RNF2: variants seen among roughly 807,000 people sequenced by gnomAD.
RNF2 encodes the protein E3 ubiquitin-protein ligase RING2.
In RNF2, 6 loss-of-function variants were observed where a neutral mutation model predicts 37.2. That is an observed-to-expected ratio of 0.16 (90% CI 0.09 to 0.32). RNF2 has a LOEUF of 0.32. Among genes scored for constraint, RNF2 ranks in the 10% least tolerant of loss-of-function variants. The probability of loss-of-function intolerance (pLI) is 1.00; values close to 1 mark genes in which losing one functional copy is unlikely to be tolerated. For synonymous variants in RNF2, 133 were observed against 132.7 expected (o/e 1.00, Z -0.02); for missense variants, 251 against 404.0 (o/e 0.62, Z 3.25).
chr1:185,064,282 G>T (rs982764731), intron 1 of RNF2, among the ~76,000 whole-genome samples: 2 of 152,168 alleles, frequency 1.3e-5, no homozygotes, highest in Non-Finnish European at 2.9e-5. Flanking sequence ...GGATAGGATA[G>T]GATAGCTAGT....
At chr1:185,094,163 A>T (rs1424170246) in intron 4 of RNF2, among the ~76,000 whole-genome samples, 2 of 150,534 alleles carry the variant, frequency 1.3e-5, no homozygotes, top group African/African-American at 4.9e-5. Context: ...ATTTTTTGAG[A>T]TGGAGTCTTG....
At chr1:185,090,301 C>G (rs1362462462) in intron 2 of RNF2, among the ~76,000 whole-genome samples, 1 of 152,166 alleles carries the variant, frequency 6.6e-6, no homozygotes, top group Non-Finnish European at 1.5e-5. Flanking sequence ...TGCACAGGTA[C>G]AGCCCTGGAG....
At chr1:185,100,084 G>A in intron 6 of RNF2, 116 bp from the exon 7 acceptor site, 1 of 1,191,176 alleles carries the variant, frequency 8.4e-7, no homozygotes, top group Non-Finnish European at 1.2e-6. Context: ...TAAGTGACAA[G>A]TAGTTATTCC....
chr1:185,089,970 G>A (rs1000152528), intron 2 of RNF2, among the ~76,000 whole-genome samples: 7 of 152,034 alleles, frequency 4.6e-5, no homozygotes, highest in African/African-American at 1.7e-4. Context: ...CACCTAGGCT[G>A]GCATGCAGTG....
chr1:185,083,212 T>G (rs1015991375), intron 1 of RNF2, among the ~76,000 whole-genome samples: 8 of 152,238 alleles, frequency 5.3e-5, no homozygotes, highest in Non-Finnish European at 1.5e-5. Context: ...ATAAAATATC[T>G]TTTGATTTTT....
intron 1 of RNF2, among the ~76,000 whole-genome samples, chr1:185,064,273 G>A (rs1650734526): frequency 6.6e-6 from 1 of 152,116 alleles, no homozygotes; most frequent in African/African-American, 2.4e-5. Flanking sequence ...ATGTAGGTTG[G>A]ATAGGATAGG....
In RNF2 at chr1:185,101,300, T is replaced by C. The variant is rs943501163; in HGVS notation, c.*999T>C. On this transcript the variant is annotated 3_prime_UTR_variant, in exon 7 of 7. Coordinates refer to ENST00000367510, the MANE Select transcript of RNF2 (RefSeq NM_007212.4). Reference sequence around the variant, plus strand: ...AAAGTTTGTTTCCATTGGAAAATTATATCATTTTGGGTTGCCACATCAGTT... The same window carrying C: ...AAAGTTTGTTTCCATTGGAAAATTACATCATTTTGGGTTGCCACATCAGTT... 22 of 152,554 alleles carry C rather than the reference T, an allele frequency of 1.4e-4. 1 individual carries two copies. Among genetic ancestry groups the C allele is most frequent in the Admixed American group, 1.2e-3 (19 of 15,276 alleles). The allele number at this position is 152,554 out of a possible 1,614,324, so 9.5% of individuals were successfully genotyped here.
At chr1:185,063,079 C>T (rs1188753394) in intron 1 of RNF2, among the ~76,000 whole-genome samples, 3 of 152,126 alleles carry the variant, frequency 2.0e-5, no homozygotes, top group Non-Finnish European at 4.4e-5. Flanking sequence ...AACTTTTTGC[C>T]AAGGGTAACT....
intron 1 of RNF2, among the ~76,000 whole-genome samples, chr1:185,083,551 G>A (rs865884358): frequency 2.0e-5 from 3 of 151,994 alleles, no homozygotes; most frequent in Non-Finnish European, 4.4e-5. Flanking sequence ...TGAACTCCTG[G>A]GCTCAAGCAG....
intron 1 of RNF2, among the ~76,000 whole-genome samples, chr1:185,077,593 G>A (rs959795242): frequency 3.6e-5 from 5 of 140,830 alleles, no homozygotes; most frequent in African/African-American, 1.1e-4. Context: ...CCGTACATAT[G>A]TGTGGTTTTT....
At chr1:185,049,151 A>G (rs1650201185) in intron 1 of RNF2, among the ~76,000 whole-genome samples, 1 of 152,068 alleles carries the variant, frequency 6.6e-6, no homozygotes, top group Non-Finnish European at 1.5e-5. Flanking sequence ...GCTTGAACCC[A>G]GGAGGTGGAG....
At chr1:185,057,178 G>A (rs918404506) in intron 1 of RNF2, among the ~76,000 whole-genome samples, 6 of 152,140 alleles carry the variant, frequency 3.9e-5, no homozygotes, top group Middle Eastern at 3.4e-3. Context: ...GGGTGTGGTG[G>A]TGCACACCTG....
intron 4 of RNF2, among the ~76,000 whole-genome samples, chr1:185,094,440 C>T (rs532951991): frequency 6.6e-6 from 1 of 152,166 alleles, no homozygotes; most frequent in Non-Finnish European, 1.5e-5. Flanking sequence ...CACACCTGGC[C>T]TTGGAGTCGC....
chr1:185,061,126 CT>C (rs1442257005), intron 1 of RNF2, among the ~76,000 whole-genome samples: 2 of 117,556 alleles, frequency 1.7e-5, no homozygotes, highest in Non-Finnish European at 3.3e-5. Context: ...ATTTCTCTCT[CT>C]CTTTTTTTTT....
intron 1 of RNF2, among the ~76,000 whole-genome samples, chr1:185,059,297 G>A (rs751714391): frequency 2.5e-4 from 38 of 151,252 alleles, no homozygotes; most frequent in East Asian, 3.9e-4. Context: ...CCTATGTGAC[G>A]GGGGACACAG....
rs138276578 is a variant in RNF2, at chr1:185,087,677, C to T, written c.87+37C>T. The stretch of plus-strand genomic sequence containing the variant: ...GATGACTGCCAAGGGGCATATGAGA[C>T]GTGTAAACTGGGATACATTTTTAGA... On this transcript the variant is annotated intron_variant, in intron 2 of 6. Transcript: ENST00000367510. 7.3e-5 allele frequency: 103 copies of T among 1,419,574 alleles called. 1 individual carries two copies. The African/African-American group carries it at 9.6e-4, about 13-fold the overall frequency. The allele number at this position is 1,419,574 out of a possible 1,614,324, so 87.9% of individuals were successfully genotyped here. A position where few individuals can be genotyped will look rare whatever the true frequency, so the allele number is the denominator to read the frequency against.
chr1:185,061,166 C>T (rs1384123856), intron 1 of RNF2, among the ~76,000 whole-genome samples: 26 of 148,452 alleles, frequency 1.8e-4, no homozygotes, highest in Non-Finnish European at 3.6e-4. Context: ...CTCGCTCTGA[C>T]GCCCAGGCTG....
chr1:185,101,947 G>A lies in RNF2; in HGVS notation c.*1646G>A, dbSNP rs778285927. 6.9e-6 allele frequency: 1 copy of A among 145,050 alleles called. No individual in the cohort carries two copies. Among genetic ancestry groups the A allele is most frequent in the Non-Finnish European group, 1.5e-5 (1 of 67,068 alleles). The allele number at this position is 145,050 out of a possible 1,614,324, so 9.0% of individuals were successfully genotyped here. A position where few individuals can be genotyped will look rare whatever the true frequency, so the allele number is the denominator to read the frequency against. On this transcript the variant is annotated 3_prime_UTR_variant, in exon 7 of 7. Transcript: ENST00000367510. Reference sequence around the variant, plus strand: ...TCTGGTGTAATGTTAAAGTTGTATAGATTATTAATGCATGCCCACTGAATA... The same window carrying A: ...TCTGGTGTAATGTTAAAGTTGTATAAATTATTAATGCATGCCCACTGAATA...
At chr1:185,098,645 C>T (rs563153328) in intron 5 of RNF2, among the ~76,000 whole-genome samples, 10 of 152,242 alleles carry the variant, frequency 6.6e-5, no homozygotes, top group South Asian at 2.1e-4. Context: ...AGAATGGCTA[C>T]GTTACCACTG....
Sources: allele counts gnomAD v4.1 joint callset (sites outside exome capture counted in the v4.1 genomes callset), GRCh38; gene constraint gnomAD v4.1.1; transcripts MANE v1.5; gene names NCBI Gene and HGNC (gene_info 2026-07-23, HGNC 2026-07-21).